FBXL4: variants seen among roughly 807,000 people sequenced by gnomAD.
FBXL4 encodes the protein F-box and leucine rich repeat protein 4.
In FBXL4, 40 loss-of-function variants were observed where a neutral mutation model predicts 58.9. The ratio of observed to expected loss-of-function variants is 0.68; its 90% confidence interval spans 0.53 to 0.88. The LOEUF is 0.88. FBXL4 is among the 40% of genes least tolerant of loss of function. The pLI is 0.00. For missense variants in FBXL4, 676 were observed against 734.4 expected, an observed-to-expected ratio of 0.92 and a Z score of 0.92; for synonymous variants, 263 against 265.5, an observed-to-expected ratio of 0.99 and a Z score of 0.09.
chr6:98,894,831 C>T (rs1260507558), intron 7 of FBXL4, among the ~76,000 whole-genome samples: 2 of 152,122 alleles, frequency 1.3e-5, no homozygotes, highest in Non-Finnish European at 2.9e-5. Context: ...TAATCCTAAA[C>T]ACATCTAAAG....
At chr6:98,930,756 A>G (rs1324366279) in intron 2 of FBXL4, among the ~76,000 whole-genome samples, 1 of 152,242 alleles carries the variant, frequency 6.6e-6, no homozygotes, top group Non-Finnish European at 1.5e-5. Flanking sequence ...AAAAACAGAC[A>G]GACAACTTTT....
chr6:98,912,304 C>T (rs1288385728), intron 5 of FBXL4, among the ~76,000 whole-genome samples: 1 of 152,126 alleles, frequency 6.6e-6, no homozygotes, highest in Non-Finnish European at 1.5e-5. Flanking sequence ...GGCCAACATT[C>T]AGATTCAGGA....
intron 7 of FBXL4, among the ~76,000 whole-genome samples, chr6:98,888,472 A>G (rs528472025): frequency 4.6e-4 from 70 of 152,330 alleles, no homozygotes; most frequent in Admixed American, 8.5e-4. Flanking sequence ...GATCAAAGCT[A>G]TATTATTAGG....
At chr6:98,910,387 C>T (rs541070876) in intron 5 of FBXL4, among the ~76,000 whole-genome samples, 13 of 152,294 alleles carry the variant, frequency 8.5e-5, no homozygotes, top group African/African-American at 2.4e-4. Context: ...GGCACGGTGG[C>T]TCACGCCCAT....
At chr6:98,887,949 C>A (rs1771096551) in intron 7 of FBXL4, among the ~76,000 whole-genome samples, 1 of 152,208 alleles carries the variant, frequency 6.6e-6, no homozygotes, top group Non-Finnish European at 1.5e-5. Flanking sequence ...GAGAACATGC[C>A]TATGGAATCA....
At chr6:98,879,696 T>C (rs1483393731) in intron 8 of FBXL4, among the ~76,000 whole-genome samples, 1 of 151,710 alleles carries the variant, frequency 6.6e-6, no homozygotes, top group Non-Finnish European at 1.5e-5. Context: ...GCCTACCCAA[T>C]ATGGTGAAAC....
chr6:98,919,338 T>C (rs1417981189), intron 4 of FBXL4, among the ~76,000 whole-genome samples: 1 of 152,230 alleles, frequency 6.6e-6, no homozygotes, highest in African/African-American at 2.4e-5. Context: ...TAAAATCCCA[T>C]ACTTGTTATT....
At position 98,886,285 on chromosome 6, in the gene FBXL4, T is replaced by TGA. The variant is rs141914139; in HGVS notation, c.1318-5663_1318-5662dup. On this transcript the variant is annotated intron_variant, in intron 7 of 9. Coordinates refer to ENST00000369244, the MANE Select transcript of FBXL4 (RefSeq NM_001278716.2). ...AGGACTGCCTTGCCTTAGGAGTAAA[T>TGA]GAGAGAGAGAGAGAGAGAGATTTAT... Among the ~76,000 whole-genome samples the TGA allele has an allele frequency of 5.3e-4, 80 of 149,752 alleles. No individual in the cohort carries two copies. In the East Asian group the frequency reaches 6.5e-3, roughly 12 times the overall value.
chr6:98,916,371 T>A (rs1179367507), intron 5 of FBXL4, among the ~76,000 whole-genome samples: 2 of 152,176 alleles, frequency 1.3e-5, no homozygotes, highest in Non-Finnish European at 2.9e-5. Context: ...TGCACACGTA[T>A]GTTTATTGAG....
chr6:98,924,427 C>A (rs557914949), intron 4 of FBXL4, among the ~76,000 whole-genome samples: 37 of 152,150 alleles, frequency 2.4e-4, no homozygotes, highest in African/African-American at 8.9e-4. Flanking sequence ...CATGGTGGCA[C>A]GCACCTGTAA....
rs917259385 is a variant in FBXL4, at chr6:98,873,263, A to G, written c.*1015T>C. On this transcript the variant is annotated 3_prime_UTR_variant, in exon 10 of 10. Coordinates refer to ENST00000369244, the MANE Select transcript of FBXL4 (RefSeq NM_001278716.2). ...TATACATGTACATTACATATAATATAAATGTAATATATAATTATATAATAT... is the reference window on the plus strand; with the variant it reads ...TATACATGTACATTACATATAATATGAATGTAATATATAATTATATAATAT... 7.4e-5 allele frequency: 11 copies of G among 147,706 alleles called. No individual in the cohort carries two copies. Among genetic ancestry groups the G allele is most frequent in the Admixed American group, 4.1e-4 (6 of 14,670 alleles). 9.1% of individuals were successfully genotyped at this position (147,706 alleles called of 1,614,324 possible).
At chr6:98,892,282 C>G (rs993938906) in intron 7 of FBXL4, among the ~76,000 whole-genome samples, 1 of 152,194 alleles carries the variant, frequency 6.6e-6, no homozygotes, top group Non-Finnish European at 1.5e-5. Context: ...TAGATGACAA[C>G]TAACAACATC....
rs149175041 is a variant in FBXL4 at position 98,886,958 on chromosome 6, T to A, written c.1318-6334A>T. On this transcript the variant is annotated intron_variant, in intron 7 of 9. Transcript: ENST00000369244. The stretch of plus-strand genomic sequence containing the variant: ...TACAATCAGTTCTTTGAATTAAAAG[T>A]AAGAGTAAGGCCAGGTGTGGTGGCT... Among the ~76,000 whole-genome samples the A allele has an allele frequency of 1.7e-3, 255 of 152,158 alleles. 1 individual carries two copies. Among genetic ancestry groups the A allele is most frequent in the Admixed American group, 3.9e-3 (60 of 15,268 alleles).
Position 98,874,235 on chromosome 6 carries a change from C to A in FBXL4, c.*43G>T. On this transcript the variant is annotated 3_prime_UTR_variant, in exon 10 of 10. Transcript: ENST00000369244. ...ACCCAAAACCAATCCCAAAATTAAA[C>A]CCCAACAAAGCACATTAATTTTAAT... 3.5e-6 allele frequency: 5 copies of A among 1,434,774 alleles called. No individual in the cohort carries two copies. Among genetic ancestry groups the A allele is most frequent in the Middle Eastern group, 1.8e-4 (1 of 5,464 alleles). The allele number at this position is 1,434,774 out of a possible 1,614,324, so 88.9% of individuals were successfully genotyped here.
chr6:98,906,922 T>C (rs1771836657), intron 5 of FBXL4, among the ~76,000 whole-genome samples: 1 of 152,238 alleles, frequency 6.6e-6, no homozygotes, highest in Non-Finnish European at 1.5e-5. Flanking sequence ...TAATGACCAG[T>C]GATGATGAAC....
chr6:98,907,941 T>C (rs1771875859), intron 5 of FBXL4, among the ~76,000 whole-genome samples: 1 of 152,192 alleles, frequency 6.6e-6, no homozygotes, highest in Non-Finnish European at 1.5e-5. Flanking sequence ...TCTAATCTGC[T>C]CCTTGGCTAT....
chr6:98,942,169 C>G (rs927163970), intron 1 of FBXL4, among the ~76,000 whole-genome samples: 6 of 151,400 alleles, frequency 4.0e-5, no homozygotes, highest in African/African-American at 1.5e-4. Context: ...ATAACTCTTC[C>G]TGAAACTATT....
chr6:98,904,775 CTGTT>C (rs1190404682), intron 6 of FBXL4, among the ~76,000 whole-genome samples: 1 of 152,072 alleles, frequency 6.6e-6, no homozygotes, highest in Non-Finnish European at 1.5e-5. Context: ...AGAAAAACAC[CTGTT>C]TGTATCCTAA....
rs548974277 is a variant in FBXL4 at position 98,872,481 on chromosome 6, C to T, written c.*1797G>A. The T allele has an allele frequency of 1.1e-4, 17 of 152,252 alleles. No homozygotes were observed. The South Asian group carries it at 2.9e-3, about 26-fold the overall frequency. 9.4% of individuals were successfully genotyped at this position (152,252 alleles called of 1,614,324 possible). On this transcript the variant is annotated 3_prime_UTR_variant, in exon 10 of 10. Transcript: ENST00000369244. Reference sequence around the variant, plus strand: ...TACAATCAACTTTAATGACACGAAACATTAACTTTGATCCTCCCTGTAAAT... The same window carrying T: ...TACAATCAACTTTAATGACACGAAATATTAACTTTGATCCTCCCTGTAAAT...
Sources: gnomAD v4.1 joint callset for allele counts (sites outside exome capture counted in the v4.1 genomes callset) on GRCh38, gnomAD v4.1.1 for gene constraint, MANE v1.5 for transcripts, NCBI Gene and HGNC (gene_info 2026-07-23, HGNC 2026-07-21) for gene names.